The following ASPSCR1 variants were observed in gnomAD, a reference collection of about 807,000 sequenced individuals.
The protein encoded by ASPSCR1 is ASPSCR1 tether for SLC2A4, UBX domain containing.
Under a neutral mutation model 68.9 loss-of-function variants are expected in ASPSCR1, and 55 were observed. That is an observed-to-expected ratio of 0.80 (90% confidence interval 0.64 to 1.00). The LOEUF is 1.00. Ranked by LOEUF, ASPSCR1 falls within the 50% of genes least tolerant of loss-of-function variation. ASPSCR1 has a pLI of 0.00. For synonymous variants in ASPSCR1, 352 were observed against 332.6 expected, an observed-to-expected ratio of 1.06 and a Z score of -0.63; for missense variants, 765 against 762.2, an observed-to-expected ratio of 1.00 and a Z score of -0.04.
intron 7 of ASPSCR1, among the ~76,000 whole-genome samples, chr17:82,004,068 C>T (rs1295505624): frequency 6.6e-6 from 1 of 152,222 alleles, no homozygotes; most frequent in Non-Finnish European, 1.5e-5. Context: ...CGAATGGGTT[C>T]ACATTTTTCC....
intron 1 of ASPSCR1, chr17:81,978,890 G>A: frequency 2.0e-6 from 1 of 504,350 alleles, no homozygotes; most frequent in Non-Finnish European, 3.6e-6. Flanking sequence ...TTGAAGGAGA[G>A]CCCAGGGTGT....
At chr17:81,984,924 CACACCCCCACACCCGCA>C in intron 3 of ASPSCR1, among the ~76,000 whole-genome samples, 1 of 125,056 alleles carries the variant, frequency 8.0e-6, no homozygotes, top group Non-Finnish European at 1.7e-5. Flanking sequence ...GCAACGTGCA[CACACCCCCACACCCGCA>C]CACACCCGCA....
At chr17:81,982,923 C>T (rs1305676879) in intron 2 of ASPSCR1, among the ~76,000 whole-genome samples, 1 of 152,146 alleles carries the variant, frequency 6.6e-6, no homozygotes, top group African/African-American at 2.4e-5. Flanking sequence ...AAGCGATTCT[C>T]CTGCCTCAGC....
intron 4 of ASPSCR1, among the ~76,000 whole-genome samples, chr17:81,993,274 C>G (rs1052327199): frequency 6.6e-6 from 1 of 151,974 alleles, no homozygotes; most frequent in African/African-American, 2.4e-5. Flanking sequence ...AGTGCAGTGG[C>G]GCGATCTCGG....
rs1346509669 is a variant in ASPSCR1, at chr17:81,982,339, A to G, written c.159-1215A>G. Among the ~76,000 whole-genome samples, 4 of 152,216 alleles carry G rather than the reference A, an allele frequency of 2.6e-5. No homozygotes were observed. The East Asian group carries it at 7.7e-4, about 29-fold the overall frequency. On this transcript the variant is annotated intron_variant, in intron 2 of 15. Coordinates refer to ENST00000306739, the MANE Select transcript of ASPSCR1 (RefSeq NM_024083.4). ...TGTCTGGTGGGAACCAGTGAGTGCGATTTTGAGGCAGGTCCTGCAATACCA... is the reference window on the plus strand; with the variant it reads ...TGTCTGGTGGGAACCAGTGAGTGCGGTTTTGAGGCAGGTCCTGCAATACCA...
chr17:81,993,131 G>T (rs557030407), intron 4 of ASPSCR1, among the ~76,000 whole-genome samples: 1 of 152,186 alleles, frequency 6.6e-6, no homozygotes, highest in South Asian at 2.1e-4. Context: ...GGCTGGGCCT[G>T]TCCTGGGTGT....
rs1185087277 is a variant in ASPSCR1, at chr17:81,983,346, C to T, written c.159-208C>T. ...CCCACATCTCCCTTTTTCCTGCTCCCTTCTGCTTGCAGGAGGCCCCATATG... is the reference window on the plus strand; with the variant it reads ...CCCACATCTCCCTTTTTCCTGCTCCTTTCTGCTTGCAGGAGGCCCCATATG... On this transcript the variant is annotated intron_variant, in intron 2 of 15. Coordinates refer to ENST00000306739, the MANE Select transcript of ASPSCR1 (RefSeq NM_024083.4). The surrounding 1 kb of genome is among the most constrained non-coding windows in gnomAD (Gnocchi z 4.4). 6.6e-6 allele frequency among the ~76,000 whole-genome samples: 1 copy of T among 152,122 alleles called. No homozygotes were observed. Among genetic ancestry groups the T allele is most frequent in the African/African-American group, 2.4e-5 (1 of 41,430 alleles).
At chr17:81,996,367 G>A in intron 6 of ASPSCR1, 53 bp from the exon 7 acceptor site, 2 of 1,528,816 alleles carry the variant, frequency 1.3e-6, no homozygotes, top group Non-Finnish European at 1.8e-6. Flanking sequence ...GGGAGAGGGT[G>A]AGCCGGGGGT....
rs753624182 is a variant in ASPSCR1, at chr17:82,016,992, T to G, written c.1527T>G (p.Pro509=). The change falls in exon 15 of 16, where the codon CCT becomes CCG. Residue 509 remains proline (P), a synonymous_variant. Coordinates refer to ENST00000306739, the MANE Select transcript of ASPSCR1 (RefSeq NM_024083.4). ...GSPSPLPAPD[P]APKSEPAAEE... The stretch of plus-strand genomic sequence containing the variant: ...CTTCCCCATTGCCAGCCCCTGACCC[T>G]GCACCTAAGTCTGAGCCAGCTGCTG... 4.3e-6 allele frequency: 7 copies of G among 1,612,614 alleles called. No homozygotes were observed. Among genetic ancestry groups the G allele is most frequent in the Non-Finnish European group, 5.9e-6 (7 of 1,179,876 alleles).
At chr17:81,978,893 C>CAA (rs1567949385) in intron 1 of ASPSCR1, 1 of 509,220 alleles carries the variant, frequency 2.0e-6, no homozygotes, top group African/African-American at 1.9e-5. Flanking sequence ...AAGGAGAGCC[C>CAA]AGGGTGTGTG....
In ASPSCR1 at chr17:81,978,726, C is replaced by T. The variant is rs538555412; in HGVS notation, c.103-458C>T. 5.8e-5 allele frequency: 12 copies of T among 208,570 alleles called. No homozygotes were observed. In the South Asian group the frequency reaches 7.8e-4, roughly 14 times the overall value. 12.9% of individuals were successfully genotyped at this position (208,570 alleles called of 1,614,324 possible). A position where few individuals can be genotyped will look rare whatever the true frequency, so the allele number is the denominator to read the frequency against. On this transcript the variant is annotated intron_variant, in intron 1 of 15. Transcript: ENST00000306739. Reference sequence around the variant, plus strand: ...GTGGGGCGCTCCCGCAGAGGCTGCGCGGGACCCCTTGGTGCAAGGCCACGG... The same window carrying T: ...GTGGGGCGCTCCCGCAGAGGCTGCGTGGGACCCCTTGGTGCAAGGCCACGG...
intron 9 of ASPSCR1, 98 bp from the exon 10 acceptor site, chr17:82,010,704 G>A: frequency 7.6e-7 from 1 of 1,307,244 alleles, no homozygotes; most frequent in Non-Finnish European, 1.1e-6. Flanking sequence ...CCTCAGCCCT[G>A]GTGTCCATGG....
At position 81,995,993 on chromosome 17, in the gene ASPSCR1, T is replaced by TGACG; in HGVS notation, c.436_439dup (p.Gly147AspfsTer3). 1 of 1,609,200 alleles carries TGACG rather than the reference T, an allele frequency of 6.2e-7. No homozygotes were observed. Among genetic ancestry groups the TGACG allele is most frequent in the Non-Finnish European group, 8.5e-7 (1 of 1,178,806 alleles). Reference sequence around the variant, plus strand: ...CTGTCCTGGCTGCTCCTCCTGCAGGTGACGGGTGAAGCTGCCCTGCGGGGC... The same window carrying TGACG: ...CTGTCCTGGCTGCTCCTCCTGCAGGTGACGGACGGGTGAAGCTGCCCTGCGGGGC... On this transcript the variant is annotated frameshift_variant and splice_region_variant, in exon 6 of 16. Coordinates refer to ENST00000306739, the MANE Select transcript of ASPSCR1 (RefSeq NM_024083.4). LOFTEE classifies it high-confidence loss of function.
chr17:81,985,477 A>G, intron 3 of ASPSCR1, 30 bp from the exon 4 acceptor site: 1 of 1,604,090 alleles, frequency 6.2e-7, no homozygotes, highest in Non-Finnish European at 8.5e-7. Flanking sequence ...TTTCTTCCTA[A>G]GGAAGTTTCT....
chr17:82,004,762 C>G (rs949631944), intron 7 of ASPSCR1: 3 of 152,314 alleles, frequency 2.0e-5, no homozygotes, highest in African/African-American at 7.2e-5. Context: ...TGACTCTGCC[C>G]AGCAAGAGGG....
At chr17:82,016,355 C>A in intron 12 of ASPSCR1, 121 bp from the exon 13 acceptor site, 1 of 883,804 alleles carries the variant, frequency 1.1e-6, no homozygotes, top group Non-Finnish European at 1.7e-6. Flanking sequence ...CTCATGGGGG[C>A]CGGGCAGGCA....
Position 81,996,439 on chromosome 17 carries a change from G to A in ASPSCR1, c.526G>A (p.Asp176Asn), listed in dbSNP as rs757114856. 7.5e-6 allele frequency: 12 copies of A among 1,598,632 alleles called. No homozygotes were observed. The highest frequency in any genetic ancestry group is 2.7e-5 in the African/African-American group (2 of 74,324). ...ATIRFVMKCY[D>N]PVGKTPGSLG... ...ACTCAGGTTTGTCATGAAGTGCTAC[G>A]ACCCCGTGGGCAAGACCCCAGGAAG... Residue 176 changes from aspartate (D) to asparagine (N), a missense_variant, in exon 7 of 16, where the codon GAC (aspartate) becomes AAC (asparagine). Transcript: ENST00000306739.
At chr17:81,979,505 C>T (rs1489401589) in intron 2 of ASPSCR1, among the ~76,000 whole-genome samples, 1 of 152,178 alleles carries the variant, frequency 6.6e-6, no homozygotes, top group South Asian at 2.1e-4. Flanking sequence ...TTTCTTGTGG[C>T]CTTTTCCTGT....
intron 10 of ASPSCR1, 93 bp from the exon 11 acceptor site, chr17:82,011,450 C>T: frequency 8.1e-7 from 1 of 1,230,596 alleles, no homozygotes; most frequent in Non-Finnish European, 1.1e-6. Context: ...CGGGGAAAGG[C>T]CCAGGAGGGT....
Sources: gnomAD v4.1 joint callset for allele counts (sites outside exome capture counted in the v4.1 genomes callset) on GRCh38, gnomAD v4.1.1 for gene constraint, Gnocchi (gnomAD v3.1) non-coding constraint, MANE v1.5 for transcripts, NCBI Gene and HGNC (gene_info 2026-07-23, HGNC 2026-07-21) for gene names.